The following CDH17 variants were observed in gnomAD, a reference collection of about 807,000 sequenced individuals.
CDH17 encodes cadherin 17, also known as cadherin-17.
In CDH17, 67 loss-of-function variants were observed where a neutral mutation model predicts 86.3. The observed-to-expected ratio is 0.78, with a 90% CI of 0.64 to 0.95. CDH17 has a LOEUF of 0.95. Ranked by LOEUF, CDH17 falls within the 40% of genes least tolerant of loss-of-function variation. CDH17 has a pLI of 0.00. For synonymous variants in CDH17, 367 were observed against 366.4 expected, an observed-to-expected ratio of 1.00 and a Z score of -0.02; for missense variants, 993 against 1,017.6, an observed-to-expected ratio of 0.98 and a Z score of 0.33.
At chr8:94,200,003 T>C (rs548213308) in intron 1 of CDH17, among the ~76,000 whole-genome samples, 1 of 152,358 alleles carries the variant, frequency 6.6e-6, no homozygotes, top group Middle Eastern at 3.4e-3. Flanking sequence ...CTCTTCACAA[T>C]TCCCAACTTT....
At chr8:94,131,710 G>A (rs1236597222) in intron 15 of CDH17, among the ~76,000 whole-genome samples, 2 of 151,790 alleles carry the variant, frequency 1.3e-5, no homozygotes, top group Non-Finnish European at 2.9e-5. Context: ...TTGTGCACAT[G>A]TACCCTAGAA....
At chr8:94,156,268 CTGA>C (rs1184804379) in intron 12 of CDH17, among the ~76,000 whole-genome samples, 19 of 152,340 alleles carry the variant, frequency 1.2e-4, no homozygotes, top group African/African-American at 4.6e-4. Context: ...CTAGCGATCA[CTGA>C]TGATATCAAA....
rs762747034 is a variant in CDH17 at position 94,176,697 on chromosome 8, G to T, written c.286-18C>A. On this transcript the variant is annotated intron_variant, in intron 4 of 17. Transcript: ENST00000027335. Reference sequence around the variant, plus strand: ...GCTGCAACCTGATGTTGAGGAAAAGGAAACCATGTTGGTGAGACTGAACTT... The same window carrying T: ...GCTGCAACCTGATGTTGAGGAAAAGTAAACCATGTTGGTGAGACTGAACTT... The T allele has an allele frequency of 6.2e-7, 1 of 1,606,218 alleles. No homozygotes were observed. The highest frequency in any genetic ancestry group is 1.1e-5 in the South Asian group (1 of 89,384).
chr8:94,170,558 A>G lies in CDH17; in HGVS notation c.916-11T>C. On this transcript the variant is annotated splice_polypyrimidine_tract_variant and intron_variant, in intron 8 of 17. Transcript: ENST00000027335. ...TGCATAAAAAACATACTACAACAGGAAAGTCAGAGTTAAGGCAAGACTCAC... is the reference window on the plus strand; with the variant it reads ...TGCATAAAAAACATACTACAACAGGGAAGTCAGAGTTAAGGCAAGACTCAC... 1.9e-6 allele frequency: 3 copies of G among 1,613,276 alleles called. No homozygotes were observed. Among genetic ancestry groups the G allele is most frequent in the Non-Finnish European group, 2.5e-6 (3 of 1,179,536 alleles).
intron 1 of CDH17, among the ~76,000 whole-genome samples, chr8:94,205,451 A>T (rs1054594407): frequency 6.6e-6 from 1 of 152,056 alleles, no homozygotes; most frequent in Non-Finnish European, 1.5e-5. Context: ...GATCGAAAGA[A>T]AGAAAGAAAA....
At chr8:94,194,524 A>G (rs934843618) in intron 2 of CDH17, 111 bp downstream of exon 2, 1 of 744,248 alleles carries the variant, frequency 1.3e-6, no homozygotes, top group Non-Finnish European at 2.3e-6. Context: ...CTTAATTTTG[A>G]TAGGTCATCT....
chr8:94,172,642 C>T (rs1402061583), intron 7 of CDH17, among the ~76,000 whole-genome samples: 2 of 152,120 alleles, frequency 1.3e-5, no homozygotes, highest in Non-Finnish European at 2.9e-5. Flanking sequence ...AGTGATGGAA[C>T]AGGAATATGA....
At chr8:94,203,977 T>C (rs1057114103) in intron 1 of CDH17, among the ~76,000 whole-genome samples, 1 of 152,206 alleles carries the variant, frequency 6.6e-6, no homozygotes. Context: ...TTAGAGGTGA[T>C]GATTTGTTCT....
intron 13 of CDH17, among the ~76,000 whole-genome samples, chr8:94,151,512 C>G (rs1390764879): frequency 6.6e-6 from 1 of 152,174 alleles, no homozygotes; most frequent in Non-Finnish European, 1.5e-5. Context: ...GGCTGGAACC[C>G]TTTCCTAAAC....
At chr8:94,192,830 C>T (rs1813712083) in intron 2 of CDH17, among the ~76,000 whole-genome samples, 1 of 152,192 alleles carries the variant, frequency 6.6e-6, no homozygotes, top group Non-Finnish European at 1.5e-5. Flanking sequence ...TGAAGTACAT[C>T]AATGCCGTAT....
intron 15 of CDH17, among the ~76,000 whole-genome samples, chr8:94,132,436 C>G (rs1023891699): frequency 6.6e-6 from 1 of 150,418 alleles, no homozygotes; most frequent in Non-Finnish European, 1.5e-5. Context: ...CAGTGATGAT[C>G]ATGTTGATGT....
chr8:94,169,637 C>CA (rs1813229298), intron 9 of CDH17, among the ~76,000 whole-genome samples: 1 of 152,146 alleles, frequency 6.6e-6, no homozygotes, highest in Non-Finnish European at 1.5e-5. Flanking sequence ...AGGTACACAG[C>CA]ACAACAGAAC....
intron 1 of CDH17, among the ~76,000 whole-genome samples, chr8:94,200,595 GCCTCGGTTC>G (rs1168561222): frequency 5.6e-5 from 7 of 123,944 alleles, no homozygotes; most frequent in East Asian, 5.0e-4. Context: ...TGAAAAGAAG[GCCTCGGTTC>G]CCAAACTGTG....
At position 94,174,185 on chromosome 8, in the gene CDH17, A is replaced by G; in HGVS notation, c.500T>C (p.Ile167Thr). The G allele has an allele frequency of 6.2e-7, 1 of 1,613,728 alleles. No individual in the cohort carries two copies. Among genetic ancestry groups the G allele is most frequent in the Non-Finnish European group, 8.5e-7 (1 of 1,179,802 alleles). Residue 167 changes from isoleucine to threonine, a missense_variant, in exon 6 of 18, where the codon ATT (isoleucine) becomes ACT (threonine). Transcript: ENST00000027335. ...ATPNGQLYYQIVIQLPMINNV... is the reference protein window; with the variant it reads ...ATPNGQLYYQTVIQLPMINNV... The stretch of plus-strand genomic sequence containing the variant: ...GTTGATCATGGGAAGCTGGATGACA[A>G]TCTGGTAATAAAGCTGGCCATTGGG...
chr8:94,136,012 T>C (rs1563564299), intron 15 of CDH17, among the ~76,000 whole-genome samples: 1 of 152,204 alleles, frequency 6.6e-6, no homozygotes, highest in South Asian at 2.1e-4. Flanking sequence ...AGGGTTTCTG[T>C]AGAGAGATCC....
At chr8:94,201,966 G>GCAGGT (rs1813922825) in intron 1 of CDH17, 1 of 230,606 alleles carries the variant, frequency 4.3e-6, no homozygotes, top group African/African-American at 2.4e-5. Flanking sequence ...CACACAGATT[G>GCAGGT]CAGGTAGCCC....
intron 15 of CDH17, among the ~76,000 whole-genome samples, chr8:94,138,762 G>T (rs956753531): frequency 1.3e-5 from 2 of 152,136 alleles, no homozygotes; most frequent in Non-Finnish European, 2.9e-5. Context: ...TGTGCTACCA[G>T]GTAGAATACA....
At chr8:94,206,957 T>C (rs1028029346) in intron 1 of CDH17, among the ~76,000 whole-genome samples, 1 of 151,992 alleles carries the variant, frequency 6.6e-6, no homozygotes, top group Admixed American at 6.6e-5. Context: ...TATTTTGCCT[T>C]TTGTATGAGA....
At chr8:94,162,229 C>A in intron 10 of CDH17, 67 bp from the exon 11 acceptor site, 2 of 1,030,058 alleles carry the variant, frequency 1.9e-6, no homozygotes, top group Admixed American at 1.9e-5. Flanking sequence ...CAGAAATCTG[C>A]AAGAAAATAC....
Sources: allele counts gnomAD v4.1 joint callset (sites outside exome capture counted in the v4.1 genomes callset), GRCh38; gene constraint gnomAD v4.1.1; transcripts MANE v1.5; gene names NCBI Gene and HGNC (gene_info 2026-07-23, HGNC 2026-07-21).